Variants in MAP3K10 observed in about 807,000 individuals in gnomAD.
The protein encoded by MAP3K10 is MKN28 derived nonreceptor_type serine/threonine kinase.
In MAP3K10, 22 loss-of-function variants were observed where a neutral mutation model predicts 75.0. The observed-to-expected ratio is 0.29, with a 90% CI of 0.21 to 0.42. The LOEUF (loss-of-function observed/expected upper bound fraction) is 0.42, where lower values mean the gene tolerates loss of function less well. Ranked by LOEUF, MAP3K10 falls within the 10% of genes least tolerant of loss-of-function variation. The probability of loss-of-function intolerance (pLI) is 1.00; values close to 1 mark genes in which losing one functional copy is unlikely to be tolerated. For missense variants in MAP3K10, 1,165 were observed against 1,379.8 expected (o/e 0.84, Z 2.47); for synonymous variants, 599 against 612.9 (o/e 0.98, Z 0.34).
intron 1 of MAP3K10, among the ~76,000 whole-genome samples, chr19:40,195,822 G>A (rs1270637748): frequency 3.9e-5 from 6 of 152,136 alleles, no homozygotes; most frequent in African/African-American, 1.4e-4. Flanking sequence ...GGATGGGCAG[G>A]ATTATCAATT....
In MAP3K10 at chr19:40,213,383, A is replaced by G; in HGVS notation, c.1838-134A>G. The stretch of plus-strand genomic sequence containing the variant: ...CACCCTTCTCTGAGGCTTCTCCTGG[A>G]GACAGATTCAAGAACGATGCTCGTG... On this transcript the variant is annotated intron_variant, in intron 8 of 9. Transcript: ENST00000253055. The surrounding 1 kb of genome is among the most constrained non-coding windows in gnomAD (Gnocchi z 5.7). 6.8e-7 allele frequency: 1 copy of G among 1,475,950 alleles called. No homozygotes were observed. The highest frequency in any genetic ancestry group is 9.0e-7 in the Non-Finnish European group (1 of 1,116,410). 91.4% of individuals were successfully genotyped at this position (1,475,950 alleles called of 1,614,324 possible).
intron 5 of MAP3K10, among the ~76,000 whole-genome samples, chr19:40,206,697 C>T (rs1973129240): frequency 2.0e-5 from 3 of 152,142 alleles, no homozygotes; most frequent in South Asian, 4.1e-4. Context: ...TTCTACCTGC[C>T]CCTCCAGACA....
rs1372846514 is a variant in MAP3K10 at position 40,192,721 on chromosome 19, G to T, written c.682+8G>T. On this transcript the variant is annotated splice_region_variant and intron_variant, in intron 1 of 9. Coordinates refer to ENST00000253055, the MANE Select transcript of MAP3K10 (RefSeq NM_002446.4). This position sits in a 1 kb window ranked among gnomAD's most constrained non-coding sequence, Gnocchi z 7.1. ...ACCTCAAGTCCATCAACAGTAAGTG[G>T]TGTCCTCTCCCCAAAATTCCTTCCA... 1 of 1,526,394 alleles carries T rather than the reference G, an allele frequency of 6.6e-7. No homozygotes were observed. The highest frequency in any genetic ancestry group is 8.8e-7 in the Non-Finnish European group (1 of 1,137,654). The allele number at this position is 1,526,394 out of a possible 1,614,324, so 94.6% of individuals were successfully genotyped here. A position where few individuals can be genotyped will look rare whatever the true frequency, so the allele number is the denominator to read the frequency against.
Position 40,214,040 on chromosome 19 carries a change from C to A in MAP3K10, c.2361C>A (p.Pro787=). 6.5e-7 allele frequency: 1 copy of A among 1,536,312 alleles called. No homozygotes were observed. The highest frequency in any genetic ancestry group is 2.5e-5 in the East Asian group (1 of 40,554). ...PPSPPAPTPT[P]SPSTNPLVDL... ...CCCCGCCCGCGCCCACACCCACGCC[C>A]TCGCCCAGCACCAACCCCCTGGTGG... Residue 787 remains proline (P), a synonymous_variant, in exon 9 of 10, where the codon CCC becomes CCA. Transcript: ENST00000253055.
rs1973335967 is a variant in MAP3K10, at chr19:40,215,392, T to C, written c.*100T>C. The C allele has an allele frequency of 9.2e-7, 1 of 1,087,366 alleles. No individual in the cohort carries two copies. Among genetic ancestry groups the C allele is most frequent in the Non-Finnish European group, 1.3e-6 (1 of 766,204 alleles). The allele number at this position is 1,087,366 out of a possible 1,614,324, so 67.4% of individuals were successfully genotyped here. On this transcript the variant is annotated 3_prime_UTR_variant, in exon 10 of 10. Coordinates refer to ENST00000253055, the MANE Select transcript of MAP3K10 (RefSeq NM_002446.4). ...AAGGTGGGGGAGGCCCTGGGCAGGA[T>C]GTTCACTCTATTTATTGGGGAAGGA...
chr19:40,211,278 AG>A (rs1021457793), intron 6 of MAP3K10, among the ~76,000 whole-genome samples: 4 of 149,142 alleles, frequency 2.7e-5, no homozygotes, highest in Non-Finnish European at 5.9e-5. Context: ...CAGATCAGGC[AG>A]GGCCCTGAGA....
rs144295452 is a variant in MAP3K10 at position 40,204,153 on chromosome 19, T to C, written c.864-332T>C. 2.9e-3 allele frequency among the ~76,000 whole-genome samples: 438 copies of C among 152,208 alleles called. 3 individuals carry two copies. The highest frequency in any genetic ancestry group is 0.01 in the African/African-American group (429 of 41,518). Reference sequence around the variant, plus strand: ...AGGAGGATCACTTGAGCCCAGGAGTTTGAGACCAGCCTGGGCAACATAGTG... The same window carrying C: ...AGGAGGATCACTTGAGCCCAGGAGTCTGAGACCAGCCTGGGCAACATAGTG... On this transcript the variant is annotated intron_variant, in intron 2 of 9. Transcript: ENST00000253055. The surrounding 1 kb of genome is among the most constrained non-coding windows in gnomAD (Gnocchi z 4.3).
intron 2 of MAP3K10, among the ~76,000 whole-genome samples, chr19:40,201,358 A>AT (rs201398718): frequency 1.3e-5 from 2 of 149,466 alleles, no homozygotes; most frequent in South Asian, 2.1e-4. Flanking sequence ...TTATTTATTT[A>AT]TTTTTTTTAA....
At chr19:40,206,199 G>A in intron 5 of MAP3K10, 42 bp downstream of exon 5, 1 of 1,547,862 alleles carries the variant, frequency 6.5e-7, no homozygotes, top group East Asian at 2.3e-5. Context: ...AGAGGCTGCT[G>A]GGAGCAGCCC....
Position 40,204,120 on chromosome 19 carries a change from G to A in MAP3K10, c.864-365G>A, listed in dbSNP as rs149578650. 0.01 allele frequency among the ~76,000 whole-genome samples: 1,599 copies of A among 152,340 alleles called. 27 individuals carry two copies. The highest frequency in any genetic ancestry group is 0.037 in the African/African-American group (1,522 of 41,568). ...GCCTGTAATCCCAGCACTTTGGGAA[G>A]CCCAGGCAGGAGGATCACTTGAGCC... On this transcript the variant is annotated intron_variant, in intron 2 of 9. Transcript: ENST00000253055. This position sits in a 1 kb window ranked among gnomAD's most constrained non-coding sequence, Gnocchi z 4.3.
At position 40,204,238 on chromosome 19, in the gene MAP3K10, G is replaced by A. The variant is rs1568490019; in HGVS notation, c.864-247G>A. On this transcript the variant is annotated intron_variant, in intron 2 of 9. Coordinates refer to ENST00000253055, the MANE Select transcript of MAP3K10 (RefSeq NM_002446.4). The surrounding 1 kb of genome is among the most constrained non-coding windows in gnomAD (Gnocchi z 4.3). ...GATGGATTTGGCCAGTAGGAACACG[G>A]GACCTGAAGATTTTCAGGCAGGGGA... Among the ~76,000 whole-genome samples the A allele has an allele frequency of 6.6e-6, 1 of 152,164 alleles. No individual in the cohort carries two copies. The highest frequency in any genetic ancestry group is 1.9e-4 in the East Asian group (1 of 5,194).
chr19:40,215,529 G>C lies in MAP3K10; in HGVS notation c.*237G>C, dbSNP rs1288753327. The C allele has an allele frequency of 7.4e-6, 4 of 541,068 alleles. No individual in the cohort carries two copies. Among genetic ancestry groups the C allele is most frequent in the Non-Finnish European group, 1.3e-5 (4 of 304,264 alleles). 33.5% of individuals were successfully genotyped at this position (541,068 alleles called of 1,614,324 possible). On this transcript the variant is annotated 3_prime_UTR_variant, in exon 10 of 10. Coordinates refer to ENST00000253055, the MANE Select transcript of MAP3K10 (RefSeq NM_002446.4). ...GGATACTCAGGGACAGGGCATCATG[G>C]GGGATTTGGCACAAAATGGAGCATT...
Position 40,192,107 on chromosome 19 carries a change from G to T in MAP3K10, c.76G>T (p.Asp26Tyr). The T allele has an allele frequency of 1.3e-6, 2 of 1,559,902 alleles. No homozygotes were observed. The highest frequency in any genetic ancestry group is 1.9e-5 in the Admixed American group (1 of 51,482). ...PAGPVWTAVF[D>Y]YEAAGDEELT... ...GGGGCCCGTCTGGACCGCGGTGTTC[G>T]ACTACGAGGCGGCGGGCGACGAGGA... Residue 26 changes from aspartate (D) to tyrosine (Y), a missense_variant, in exon 1 of 10, where the codon GAC (aspartate) becomes TAC (tyrosine). Asp to Tyr is a radical substitution (Grantham distance 160, BLOSUM62 -3). Coordinates refer to ENST00000253055, the MANE Select transcript of MAP3K10 (RefSeq NM_002446.4). The surrounding 1 kb of genome is among the most constrained non-coding windows in gnomAD (Gnocchi z 7.1).
chr19:40,192,806 A>C lies in MAP3K10; in HGVS notation c.682+93A>C, dbSNP rs140903126. 1.4e-4 allele frequency: 139 copies of C among 1,024,438 alleles called. 1 individual carries two copies. The highest frequency in any genetic ancestry group is 1.8e-4 in the Non-Finnish European group (131 of 725,690). The allele number at this position is 1,024,438 out of a possible 1,614,324, so 63.5% of individuals were successfully genotyped here. ...AACAGGGTGAGGGACACCAGATGAC[A>C]CTGTGCCTGGAGTGAGAAGGGGCAG... On this transcript the variant is annotated intron_variant, in intron 1 of 9. Coordinates refer to ENST00000253055, the MANE Select transcript of MAP3K10 (RefSeq NM_002446.4). This position sits in a 1 kb window ranked among gnomAD's most constrained non-coding sequence, Gnocchi z 7.1.
Position 40,212,869 on chromosome 19 carries a change from C to T in MAP3K10, c.1617C>T (p.Ser539=). 4 of 1,611,060 alleles carry T rather than the reference C, an allele frequency of 2.5e-6. No homozygotes were observed. The highest frequency in any genetic ancestry group is 2.5e-6 in the Non-Finnish European group (3 of 1,179,040). The change falls in exon 7 of 10, where the codon AGC becomes AGT. Residue 539 remains serine (S), a synonymous_variant. Coordinates refer to ENST00000253055, the MANE Select transcript of MAP3K10 (RefSeq NM_002446.4). The surrounding 1 kb of genome is among the most constrained non-coding windows in gnomAD (Gnocchi z 4.2). The part of the protein sequence containing the change: ...GSSSGGSGTW[S]RGGPPKKEEL... The stretch of plus-strand genomic sequence containing the variant: ...GCAGTGGAGGAAGTGGGACATGGAG[C>T]CGCGGTGGGCCCCCAAAGAAGGAAG...
At position 40,205,495 on chromosome 19, in the gene MAP3K10, A is replaced by G; in HGVS notation, c.1188+199A>G. 2 of 594,296 alleles carry G rather than the reference A, an allele frequency of 3.4e-6. No individual in the cohort carries two copies. The highest frequency in any genetic ancestry group is 2.8e-5 in the East Asian group (1 of 35,718). 36.8% of individuals were successfully genotyped at this position (594,296 alleles called of 1,614,324 possible). A position where few individuals can be genotyped will look rare whatever the true frequency, so the allele number is the denominator to read the frequency against. ...AGGCACCCTGTACTGAAGTACTTACAGGTGACACTGCATGATGTCTGGGGT... is the reference window on the plus strand; with the variant it reads ...AGGCACCCTGTACTGAAGTACTTACGGGTGACACTGCATGATGTCTGGGGT... On this transcript the variant is annotated intron_variant, in intron 4 of 9. Transcript: ENST00000253055. The surrounding 1 kb of genome is among the most constrained non-coding windows in gnomAD (Gnocchi z 4.3).
intron 6 of MAP3K10, 55 bp downstream of exon 6, chr19:40,209,274 T>C (rs1403939335): frequency 2.2e-5 from 31 of 1,433,680 alleles, no homozygotes; most frequent in Middle Eastern, 1.8e-4. Flanking sequence ...AAACATTTTT[T>C]AGCACGATGT....
In MAP3K10 at chr19:40,212,925, C is replaced by T. The variant is rs370630199; in HGVS notation, c.1673C>T (p.Thr558Met). 2.6e-5 allele frequency: 42 copies of T among 1,612,382 alleles called. No homozygotes were observed. The highest frequency in any genetic ancestry group is 5.9e-6 in the Non-Finnish European group (7 of 1,179,356). Reference sequence around the variant, plus strand: ...GTCGGGGGCAAGAAGAAGGGACGAACGTGGGGGCCCAGCTCCACCCTGCAG... The same window carrying T: ...GTCGGGGGCAAGAAGAAGGGACGAATGTGGGGGCCCAGCTCCACCCTGCAG... Reference protein sequence around the residue: ...ELVGGKKKGRTWGPSSTLQKE... With the variant: ...ELVGGKKKGRMWGPSSTLQKE... The change falls in exon 7 of 10, where the codon ACG becomes ATG. Residue 558 changes from threonine (T) to methionine (M), a missense_variant. By Grantham distance (81) the Thr-to-Met change is moderately conservative. Around this residue, in one of 2 missense-constraint regions of MAP3K10, gnomAD observed 575 missense variants for 793.2 expected, o/e 0.72. Transcript: ENST00000253055. This position sits in a 1 kb window ranked among gnomAD's most constrained non-coding sequence, Gnocchi z 4.2.
In MAP3K10 at chr19:40,191,790, T is replaced by C; in HGVS notation, c.-242T>C. ...CCCTCTGCCGTTTGGGGGGCACGGG[T>C]GAACCTGCCGCCCCACTCCCACCCC... On this transcript the variant is annotated 5_prime_UTR_variant, in exon 1 of 10. Transcript: ENST00000253055. 2.7e-6 allele frequency: 1 copy of C among 374,418 alleles called. No homozygotes were observed. The highest frequency in any genetic ancestry group is 4.7e-6 in the Non-Finnish European group (1 of 211,352). The allele number at this position is 374,418 out of a possible 1,614,324, so 23.2% of individuals were successfully genotyped here.
Sources: gnomAD v4.1 joint callset for allele counts (sites outside exome capture counted in the v4.1 genomes callset) on GRCh38, gnomAD v4.1.1 for gene constraint, gnomAD v4.1.1 regional missense constraint, Gnocchi (gnomAD v3.1) non-coding constraint, MANE v1.5 for transcripts, NCBI Gene and HGNC (gene_info 2026-07-23, HGNC 2026-07-21) for gene names.